KCNN1: variants seen among roughly 807,000 people sequenced by gnomAD.
The protein encoded by KCNN1 is small conductance calcium-activated potassium channel protein 1.
KCNN1 carries 20 observed loss-of-function variants against 44.7 expected under a neutral mutation model. That is an observed-to-expected ratio of 0.45 (90% CI 0.32 to 0.65). The LOEUF (loss-of-function observed/expected upper bound fraction) is 0.65. Among genes scored for constraint, KCNN1 ranks in the 30% least tolerant of loss-of-function variants. The pLI, the probability that KCNN1 is intolerant of heterozygous loss-of-function variation, is 0.05. For synonymous variants in KCNN1, 324 were observed against 341.7 expected, an observed-to-expected ratio of 0.95 and a Z score of 0.57; for missense variants, 632 against 785.3, an observed-to-expected ratio of 0.80 and a Z score of 2.33.
At chr19:17,971,312 A>C (rs755339786) in intron 1 of KCNN1, among the ~76,000 whole-genome samples, 1 of 151,734 alleles carries the variant, frequency 6.6e-6, no homozygotes, top group Non-Finnish European at 1.5e-5. Context: ...CACATGGGGG[A>C]CCCCTAGTGC....
In KCNN1 at chr19:17,982,650, A is replaced by G. The variant is rs556795932; in HGVS notation, c.917+523A>G. 9.4e-5 allele frequency: 89 copies of G among 948,458 alleles called. No individual in the cohort carries two copies. In the African/African-American group the frequency reaches 1.4e-3, roughly 15 times the overall value. The allele number at this position is 948,458 out of a possible 1,614,324, so 58.8% of individuals were successfully genotyped here. On this transcript the variant is annotated intron_variant, in intron 4 of 9. Coordinates refer to ENST00000684775, the MANE Select transcript of KCNN1 (RefSeq NM_001386974.1). ...CCGCTGCCGCCATCCCCGACCCGCT[A>G]GGAATTTAAGATTAGCTGCCGCAAG...
intron 1 of KCNN1, among the ~76,000 whole-genome samples, chr19:17,952,651 G>A (rs1300442985): frequency 6.6e-6 from 1 of 152,094 alleles, no homozygotes; most frequent in African/African-American, 2.4e-5. Flanking sequence ...CTCAGTGGTG[G>A]GGGGAAAGCA....
intron 3 of KCNN1, among the ~76,000 whole-genome samples, chr19:17,975,901 C>T (rs899379834): frequency 2.6e-5 from 4 of 152,214 alleles, no homozygotes; most frequent in Non-Finnish European, 2.9e-5. Context: ...GTCAGTGTCT[C>T]GCCATATTGC....
At chr19:17,968,691 C>G (rs190507335) in intron 1 of KCNN1, among the ~76,000 whole-genome samples, 225 of 152,308 alleles carry the variant, frequency 1.5e-3, no homozygotes, top group African/African-American at 4.2e-3. Flanking sequence ...TGGGTCCCCC[C>G]AGGCACACGA....
upstream of KCNN1, among the ~76,000 whole-genome samples, chr19:17,966,400 C>G (rs995419767): frequency 6.6e-5 from 10 of 152,206 alleles, no homozygotes; most frequent in African/African-American, 1.9e-4. Context: ...CCGCCATTAA[C>G]TTTGAATGAA....
intron 6 of KCNN1, 32 bp downstream of exon 6, chr19:17,988,557 C>T (rs375656488): frequency 1.3e-6 from 2 of 1,514,380 alleles, no homozygotes; most frequent in Non-Finnish European, 1.8e-6. Flanking sequence ...GAGGCCGCCT[C>T]CTGGCCTTGT....
intron 9 of KCNN1, among the ~76,000 whole-genome samples, chr19:17,997,447 C>A (rs945523114): frequency 1.3e-5 from 2 of 152,162 alleles, no homozygotes; most frequent in African/African-American, 4.8e-5. Flanking sequence ...GGCATGTCCC[C>A]CCACCCCAGA....
In KCNN1 at chr19:17,973,985, C is replaced by T. The variant is rs1009927424; in HGVS notation, c.97C>T (p.Pro33Ser). ...CCCTCCGGACCCTGAGGCCGGCCAC[C>T]CCCCACAACCCCCGCACAGCCCGGG... ...RDPPDPEAGH[P>S]PQPPHSPGLQ... The change falls in exon 2 of 10, where the codon CCC becomes TCC. Residue 33 changes from proline (P) to serine (S), a missense_variant. Physicochemically the swap from Pro to Ser is moderately conservative, Grantham distance 74. This residue lies in a region of KCNN1 where 235 missense variants were observed against 224.0 expected (regional missense o/e 1.05). Coordinates refer to ENST00000684775, the MANE Select transcript of KCNN1 (RefSeq NM_001386974.1). 3.2e-6 allele frequency: 5 copies of T among 1,576,454 alleles called. No individual in the cohort carries two copies. The East Asian group carries it at 7.0e-5, about 22-fold the overall frequency.
intron 5 of KCNN1, among the ~76,000 whole-genome samples, chr19:17,988,154 C>CAAAAAA (rs59928660): frequency 1.9e-4 from 10 of 53,510 alleles, no homozygotes; most frequent in African/African-American, 3.0e-4. Context: ...GACTCCATCT[C>CAAAAAA]AAAAAAAAAA....
intron 7 of KCNN1, among the ~76,000 whole-genome samples, chr19:17,992,375 G>A (rs952962787): frequency 4.4e-4 from 67 of 151,872 alleles, no homozygotes; most frequent in Non-Finnish European, 2.2e-4. Context: ...TGAGACGGGC[G>A]GATCACATGA....
At chr19:17,963,727 T>A (rs1273761386), upstream of KCNN1, among the ~76,000 whole-genome samples, 1 of 95,500 alleles carries the variant, frequency 1.0e-5, no homozygotes, top group Non-Finnish European at 2.3e-5. Context: ...TTCTGATACT[T>A]TTTTTTTTTT....
At chr19:17,957,705 C>T (rs917370435) in intron 2 of KCNN1, among the ~76,000 whole-genome samples, 10 of 152,042 alleles carry the variant, frequency 6.6e-5, no homozygotes, top group African/African-American at 2.4e-4. Context: ...AGCCAAGCTA[C>T]AAGGAACTCA....
intron 6 of KCNN1, 30 bp from the exon 7 acceptor site, chr19:17,989,686 C>T (rs1163479589): frequency 6.2e-7 from 1 of 1,613,600 alleles, no homozygotes; most frequent in South Asian, 1.1e-5. Context: ...TCGCGCCAAC[C>T]CTGAGGAATT....
chr19:17,989,663 G>A (rs564867502), intron 6 of KCNN1, 53 bp from the exon 7 acceptor site: 2 of 1,611,446 alleles, frequency 1.2e-6, no homozygotes, highest in East Asian at 2.2e-5. Context: ...CATTTCTGGA[G>A]CCTTTTGGAA....
rs1400980799 is a variant in KCNN1, at chr19:17,989,899, C to CCCT, written c.1298+58_1298+60dup. ...CTGTGTCCACATGGCGCGGAGGCAG[C>CCCT]CCTCGCAGCTCTGTGTGGCCTCTTC... is the stretch of plus-strand genomic sequence containing the variant. On this transcript the variant is annotated intron_variant, in intron 7 of 9. Transcript: ENST00000684775. 1.6e-5 allele frequency: 26 copies of CCCT among 1,609,292 alleles called. No individual in the cohort carries two copies. The Admixed American group carries it at 3.7e-4, about 23-fold the overall frequency.
chr19:17,980,178 G>A (rs979785778), intron 3 of KCNN1, among the ~76,000 whole-genome samples: 11 of 143,978 alleles, frequency 7.6e-5, no homozygotes, highest in Admixed American at 1.4e-4. Flanking sequence ...ATTCTTGTGC[G>A]TCAGCCTCTC....
chr19:17,960,275 A>G (rs1263262210), intron 2 of KCNN1, among the ~76,000 whole-genome samples: 1 of 152,174 alleles, frequency 6.6e-6, no homozygotes, highest in Non-Finnish European at 1.5e-5. Context: ...CCTTGTCCAC[A>G]ATCACTGCCT....
chr19:17,985,244 G>GTACCAC, intron 4 of KCNN1, 68 bp from the exon 5 acceptor site: 1 of 1,443,498 alleles, frequency 6.9e-7, no homozygotes, highest in Non-Finnish European at 9.2e-7. Context: ...GCTGCCCCAG[G>GTACCAC]GGGTGTGATG....
rs752423350 is a variant in KCNN1, at chr19:17,989,798, C to A, written c.1253C>A (p.Ala418Asp). 50 of 1,613,950 alleles carry A rather than the reference C, an allele frequency of 3.1e-5. No individual in the cohort carries two copies. Among genetic ancestry groups the A allele is most frequent in the Non-Finnish European group, 1.9e-5 (23 of 1,179,882 alleles). ...AGGCTGGTGAAGAAGCCAGACCAAG[C>A]CCGGGTTCGGAAACACCAGCGTAAG... is the stretch of plus-strand genomic sequence containing the variant. ...HTRLVKKPDQ[A>D]RVRKHQRKFL... Residue 418 changes from alanine (A) to aspartate (D), a missense_variant, in exon 7 of 10, where the codon GCC becomes GAC. Transcript: ENST00000684775.
Sources: gnomAD v4.1 joint callset for allele counts (sites outside exome capture counted in the v4.1 genomes callset) on GRCh38, gnomAD v4.1.1 for gene constraint, gnomAD v4.1.1 regional missense constraint, MANE v1.5 for transcripts, NCBI Gene and HGNC (gene_info 2026-07-23, HGNC 2026-07-21) for gene names.